The following TRPC6 variants were observed in gnomAD, a reference collection of about 807,000 sequenced individuals.
TRPC6 encodes short transient receptor potential channel 6.
TRPC6 carries 55 observed loss-of-function variants against 90.7 expected under a neutral mutation model. The observed-to-expected ratio is 0.61, with a 90% CI of 0.49 to 0.76. The LOEUF (loss-of-function observed/expected upper bound fraction) is 0.76, where lower values mean the gene tolerates loss of function less well. Among genes scored for constraint, TRPC6 ranks in the 30% least tolerant of loss-of-function variants. The pLI is 0.00. For synonymous variants in TRPC6, 393 were observed against 393.0 expected, an observed-to-expected ratio of 1.00 and a Z score of 0.00; for missense variants, 989 against 1,122.7, an observed-to-expected ratio of 0.88 and a Z score of 1.70.
chr11:101,494,846 A>C (rs963336808), intron 2 of TRPC6, among the ~76,000 whole-genome samples: 1 of 152,224 alleles, frequency 6.6e-6, no homozygotes, highest in Non-Finnish European at 1.5e-5. Flanking sequence ...GAGAGAGAGA[A>C]AGAAAGAATA....
At chr11:101,535,425 CT>C (rs1200100918) in intron 1 of TRPC6, among the ~76,000 whole-genome samples, 5 of 150,728 alleles carry the variant, frequency 3.3e-5, no homozygotes, top group Non-Finnish European at 7.4e-5. Flanking sequence ...ACCTTTGTTA[CT>C]GAAAGTACTC....
intron 2 of TRPC6, among the ~76,000 whole-genome samples, chr11:101,502,966 T>G (rs76712371): frequency 3.6e-5 from 4 of 111,132 alleles, no homozygotes; most frequent in East Asian, 2.1e-4. Context: ...TCTCAGCATA[T>G]AGAAAAAAAA....
chr11:101,564,443 T>C (rs1861784724), intron 1 of TRPC6, among the ~76,000 whole-genome samples: 1 of 152,220 alleles, frequency 6.6e-6, no homozygotes, highest in Non-Finnish European at 1.5e-5. Flanking sequence ...AAACTTATTA[T>C]TTTTATTTCT....
chr11:101,558,400 C>CATGTATATATGTAT (rs1591136233), intron 1 of TRPC6, among the ~76,000 whole-genome samples: 2 of 43,088 alleles, frequency 4.6e-5, no homozygotes, highest in East Asian at 0.045. Flanking sequence ...TATACATATA[C>CATGTATATATGTAT]ACACACACAT....
At chr11:101,512,622 G>A (rs1020512935) in intron 1 of TRPC6, among the ~76,000 whole-genome samples, 3 of 152,120 alleles carry the variant, frequency 2.0e-5, no homozygotes, top group African/African-American at 7.2e-5. Context: ...CATTTATGGT[G>A]AGAATAATTA....
rs774329493 is a variant in TRPC6, at chr11:101,504,605, G to A, written c.364C>T (p.His122Tyr). The change falls in exon 2 of 13, where the codon CAC (histidine) becomes TAC (tyrosine). Residue 122 changes from histidine to tyrosine, a missense_variant. By Grantham distance (83) the His-to-Tyr change is moderately conservative. Coordinates refer to ENST00000344327, the MANE Select transcript of TRPC6 (RefSeq NM_004621.6). ...TCCACACAGTTAACGTTGAGTGAGT[G>A]GCATTCTTCTAACATCTTCCGCACC... is the stretch of plus-strand genomic sequence containing the variant. The part of the protein sequence containing the change: ...PVVRKMLEEC[H>Y]SLNVNCVDYM... 16 of 1,613,732 alleles carry A rather than the reference G, an allele frequency of 9.9e-6. No homozygotes were observed. The highest frequency in any genetic ancestry group is 1.2e-5 in the Non-Finnish European group (14 of 1,179,814).
At chr11:101,492,722 A>G (rs1251980376) in intron 2 of TRPC6, among the ~76,000 whole-genome samples, 1 of 152,224 alleles carries the variant, frequency 6.6e-6, no homozygotes, top group African/African-American at 2.4e-5. Context: ...CATACAATAT[A>G]CATTTAATAG....
In TRPC6 at chr11:101,504,491, G is replaced by A. The variant is rs201779770; in HGVS notation, c.478C>T (p.Arg160Ter). ...GCTAGAAGCAAAGCATCCCCAACTC[G>A]AGAGAGGTTTTCTTTCTTGAGAAGA... ...ELLLKKENLSRVGDALLLAIS... is the reference protein window; with the variant it reads ...ELLLKKENLS Residue 160 changes from arginine to a stop codon, truncating the protein, a stop_gained, in exon 2 of 13, where the codon CGA becomes TGA. Transcript: ENST00000344327. LOFTEE classifies it high-confidence loss of function. 4.3e-6 allele frequency: 7 copies of A among 1,613,928 alleles called. No homozygotes were observed. Among genetic ancestry groups the A allele is most frequent in the Non-Finnish European group, 5.9e-6 (7 of 1,180,006 alleles).
chr11:101,484,595 A>ATGTGTGTGTGTGTGTGTGTGTG (rs61160203), intron 4 of TRPC6, among the ~76,000 whole-genome samples: 1 of 140,788 alleles, frequency 7.1e-6, no homozygotes, highest in African/African-American at 2.6e-5. Context: ...CTCTCATGCT[A>ATGTGTGTGTGTGTGTGTGTGTG]TGTGTGTGTG....
At chr11:101,543,933 A>G (rs973529719) in intron 1 of TRPC6, among the ~76,000 whole-genome samples, 2 of 152,228 alleles carry the variant, frequency 1.3e-5, no homozygotes, top group African/African-American at 4.8e-5. Flanking sequence ...AACTGTCATC[A>G]AAGTGAACAG....
chr11:101,580,494 G>A (rs1454614056), intron 1 of TRPC6, among the ~76,000 whole-genome samples: 3 of 151,870 alleles, frequency 2.0e-5, no homozygotes, highest in African/African-American at 7.3e-5. Flanking sequence ...AACTATTAAG[G>A]CCTTATTGCA....
chr11:101,514,470 AG>A (rs559535602), intron 1 of TRPC6, among the ~76,000 whole-genome samples: 3 of 152,208 alleles, frequency 2.0e-5, no homozygotes, highest in Non-Finnish European at 4.4e-5. Context: ...CTCAGCCCGC[AG>A]GCAGAGAAAA....
intron 1 of TRPC6, among the ~76,000 whole-genome samples, chr11:101,520,448 G>A (rs927967510): frequency 1.3e-5 from 2 of 152,164 alleles, no homozygotes; most frequent in Non-Finnish European, 2.9e-5. Context: ...TGGTAACAGA[G>A]AAGTACAGCA....
intron 1 of TRPC6, among the ~76,000 whole-genome samples, chr11:101,526,632 G>A (rs1279719181): frequency 6.6e-6 from 1 of 151,902 alleles, no homozygotes; most frequent in Admixed American, 6.6e-5. Context: ...GGAGGCCGAG[G>A]CAGGCAGATC....
At chr11:101,505,540 G>T (rs113453355) in intron 1 of TRPC6, among the ~76,000 whole-genome samples, 33 of 152,178 alleles carry the variant, frequency 2.2e-4, no homozygotes, top group Non-Finnish European at 4.6e-4. Flanking sequence ...GTATCGGCTA[G>T]ATGTTAGAGT....
chr11:101,462,838 A>G (rs943398347), intron 10 of TRPC6, among the ~76,000 whole-genome samples: 1 of 152,156 alleles, frequency 6.6e-6, no homozygotes, highest in Non-Finnish European at 1.5e-5. Context: ...AGAACTTCCA[A>G]TACTACGTTA....
intron 1 of TRPC6, among the ~76,000 whole-genome samples, chr11:101,553,321 T>C (rs888885526): frequency 2.0e-5 from 3 of 152,094 alleles, no homozygotes; most frequent in Non-Finnish European, 2.9e-5. Flanking sequence ...CAGCCTTATT[T>C]TTTTTTAATT....
intron 1 of TRPC6, among the ~76,000 whole-genome samples, chr11:101,553,465 G>A (rs12807277): frequency 5.9e-5 from 9 of 151,840 alleles, no homozygotes; most frequent in Admixed American, 2.6e-4. Flanking sequence ...AATATCTCCC[G>A]GCCTATTAAC....
intron 1 of TRPC6, among the ~76,000 whole-genome samples, chr11:101,572,232 AAAG>A (rs1861979364): frequency 1.3e-5 from 2 of 151,778 alleles, no homozygotes. Context: ...ACACTTCTCA[AAAG>A]AAGACATTTT....
Sources: gnomAD v4.1 joint callset for allele counts (sites outside exome capture counted in the v4.1 genomes callset) on GRCh38, gnomAD v4.1.1 for gene constraint, MANE v1.5 for transcripts, NCBI Gene and HGNC (gene_info 2026-07-23, HGNC 2026-07-21) for gene names.